HBP1: variants seen among roughly 807,000 people sequenced by gnomAD.
HBP1 encodes HMG-box transcription factor 1, also known as HMG box-containing protein 1.
A neutral mutation model predicts 62.6 loss-of-function variants in HBP1; 20 were observed. The observed-to-expected ratio is 0.32, with a 90% CI of 0.22 to 0.46. The LOEUF (loss-of-function observed/expected upper bound fraction) is 0.46. Among genes scored for constraint, HBP1 ranks in the 20% least tolerant of loss-of-function variants. The pLI, the probability that HBP1 is intolerant of heterozygous loss-of-function variation, is 1.00. For synonymous variants in HBP1, 232 were observed against 206.2 expected (o/e 1.12, Z -1.07); for missense variants, 480 against 611.8 (o/e 0.78, Z 2.27).
chr7:107,182,333 G>A, intron 2 of HBP1, 40 bp from the exon 3 acceptor site: 1 of 1,096,458 alleles, frequency 9.1e-7, no homozygotes. Flanking sequence ...CCTTGTATTA[G>A]TAATTTCCTT....
chr7:107,185,752 T>G, intron 3 of HBP1, 49 bp from the exon 4 acceptor site: 1 of 1,469,084 alleles, frequency 6.8e-7, no homozygotes, highest in Middle Eastern at 1.8e-4. Context: ...ATAGGAAAGA[T>G]CTACTTTAAG....
chr7:107,182,713 T>G (rs1333302629), intron 3 of HBP1, 112 bp downstream of exon 3: 3 of 600,750 alleles, frequency 5.0e-6, no homozygotes, highest in Non-Finnish European at 8.7e-6. Context: ...AGAATTTAAG[T>G]CATTAGAATT....
intron 8 of HBP1, among the ~76,000 whole-genome samples, chr7:107,195,434 G>A (rs1373750062): frequency 6.6e-6 from 1 of 152,124 alleles, no homozygotes; most frequent in Non-Finnish European, 1.5e-5. Context: ...TAATTTTCTA[G>A]GTCTGGGTGC....
chr7:107,179,593 G>A (rs140105300), intron 1 of HBP1: 5 of 176,798 alleles, frequency 2.8e-5, no homozygotes, highest in South Asian at 1.4e-4. Context: ...CCAACATGAC[G>A]AAACCCCATC....
Position 107,201,699 on chromosome 7 carries a change from A to C in HBP1, c.*268A>C, listed in dbSNP as rs1267866054. 5.5e-6 allele frequency: 2 copies of C among 365,592 alleles called. No homozygotes were observed. The highest frequency in any genetic ancestry group is 4.2e-5 in the African/African-American group (2 of 47,934). The allele number at this position is 365,592 out of a possible 1,614,324, so 22.6% of individuals were successfully genotyped here. ...TGTCTATCAGGTAATAATAGGCTTGAAAATTGATATCCTGTGGTGCTAAAG... is the reference window on the plus strand; with the variant it reads ...TGTCTATCAGGTAATAATAGGCTTGCAAATTGATATCCTGTGGTGCTAAAG... On this transcript the variant is annotated 3_prime_UTR_variant, in exon 11 of 11. Coordinates refer to ENST00000222574, the MANE Select transcript of HBP1 (RefSeq NM_012257.4).
chr7:107,194,298 T>C, intron 8 of HBP1, among the ~76,000 whole-genome samples: 1 of 152,194 alleles, frequency 6.6e-6, no homozygotes, highest in East Asian at 1.9e-4. Flanking sequence ...CAGTATCTTT[T>C]AGTATTTTAA....
Position 107,202,171 on chromosome 7 carries a change from T to C in HBP1, c.*740T>C, listed in dbSNP as rs958427593. Reference sequence around the variant, plus strand: ...TGCTATTAACAAACAGTCAACACCATTGTATTTTTTAACTTCGTGTTCTGT... The same window carrying C: ...TGCTATTAACAAACAGTCAACACCACTGTATTTTTTAACTTCGTGTTCTGT... On this transcript the variant is annotated 3_prime_UTR_variant, in exon 11 of 11. Coordinates refer to ENST00000222574, the MANE Select transcript of HBP1 (RefSeq NM_012257.4). 1.3e-5 allele frequency: 2 copies of C among 152,676 alleles called. No individual in the cohort carries two copies. The highest frequency in any genetic ancestry group is 4.8e-5 in the African/African-American group (2 of 41,468). The allele number at this position is 152,676 out of a possible 1,614,324, so 9.5% of individuals were successfully genotyped here.
At chr7:107,176,178 A>G (rs543376394) in intron 1 of HBP1, among the ~76,000 whole-genome samples, 2 of 151,480 alleles carry the variant, frequency 1.3e-5, no homozygotes, top group Non-Finnish European at 2.9e-5. Context: ...GGCGCGTGCC[A>G]CCATACCTGG....
rs775451883 is a variant in HBP1, at chr7:107,169,039, A to G, written c.-162A>G. The stretch of plus-strand genomic sequence containing the variant: ...TGGCGACGGGTTTGGTAAGTAGGAA[A>G]GTTTCGGTTGAGGAGTAAGAGCTGC... On this transcript the variant is annotated 5_prime_UTR_variant, in exon 1 of 11. Transcript: ENST00000222574. 2.3e-6 allele frequency: 3 copies of G among 1,288,696 alleles called. No individual in the cohort carries two copies. Among genetic ancestry groups the G allele is most frequent in the South Asian group, 2.5e-5 (2 of 80,912 alleles). The allele number at this position is 1,288,696 out of a possible 1,614,324, so 79.8% of individuals were successfully genotyped here. A position where few individuals can be genotyped will look rare whatever the true frequency, so the allele number is the denominator to read the frequency against.
intron 4 of HBP1, among the ~76,000 whole-genome samples, 200 bp from the exon 5 acceptor site, chr7:107,186,161 T>C (rs1268778838): frequency 6.8e-6 from 1 of 147,406 alleles, no homozygotes; most frequent in Admixed American, 6.7e-5. Flanking sequence ...TTTTTCTTTT[T>C]TTTTCTTTTT....
In HBP1 at chr7:107,194,289, A is replaced by C. The variant is rs138107743; in HGVS notation, c.1068-1545A>C. ...TCAAATTTTAGTAATTAGCTTACCCAGTATCTTTTAGTATTTTAAATTGTA... is the reference window on the plus strand; with the variant it reads ...TCAAATTTTAGTAATTAGCTTACCCCGTATCTTTTAGTATTTTAAATTGTA... On this transcript the variant is annotated intron_variant, in intron 8 of 10. Transcript: ENST00000222574. Among the ~76,000 whole-genome samples the C allele has an allele frequency of 4.4e-3, 677 of 152,308 alleles. 3 individuals carry two copies. Among genetic ancestry groups the C allele is most frequent in the African/African-American group, 0.016 (647 of 41,568 alleles).
rs186896873 is a variant in HBP1, at chr7:107,176,467, A to G, written c.-15-3412A>G. ...TTGCAACTAATACAATGCCCTGTACATAGTATTTATTAAATAAATGATTTT... is the reference window on the plus strand; with the variant it reads ...TTGCAACTAATACAATGCCCTGTACGTAGTATTTATTAAATAAATGATTTT... On this transcript the variant is annotated intron_variant, in intron 1 of 10. Coordinates refer to ENST00000222574, the MANE Select transcript of HBP1 (RefSeq NM_012257.4). Among the ~76,000 whole-genome samples the G allele has an allele frequency of 3.3e-3, 508 of 152,294 alleles. 1 individual carries two copies. The highest frequency in any genetic ancestry group is 5.5e-3 in the Non-Finnish European group (377 of 68,034).
In HBP1 at chr7:107,169,004, G is replaced by A. The variant is rs962051692; in HGVS notation, c.-197G>A. 1 of 1,289,116 alleles carries A rather than the reference G, an allele frequency of 7.8e-7. No individual in the cohort carries two copies. Among genetic ancestry groups the A allele is most frequent in the Non-Finnish European group, 1.0e-6 (1 of 988,550 alleles). 79.9% of individuals were successfully genotyped at this position (1,289,116 alleles called of 1,614,324 possible). On this transcript the variant is annotated 5_prime_UTR_variant, in exon 1 of 11. Coordinates refer to ENST00000222574, the MANE Select transcript of HBP1 (RefSeq NM_012257.4). Reference sequence around the variant, plus strand: ...GGGAGGGGGAAGACGAAGCTTGAAAGACTTGGTAATGGCGACGGGTTTGGT... The same window carrying A: ...GGGAGGGGGAAGACGAAGCTTGAAAAACTTGGTAATGGCGACGGGTTTGGT...
At position 107,179,869 on chromosome 7, in the gene HBP1, T is replaced by G. The variant is rs1188572638; in HGVS notation, c.-15-10T>G. The stretch of plus-strand genomic sequence containing the variant: ...TTGACATCATTTCTTAATGTCGTTT[T>G]TATTTTAAGTCAGAGCACCATAACA... On this transcript the variant is annotated splice_polypyrimidine_tract_variant and intron_variant, in intron 1 of 10. Transcript: ENST00000222574. 6.5e-7 allele frequency: 1 copy of G among 1,550,172 alleles called. No individual in the cohort carries two copies. Among genetic ancestry groups the G allele is most frequent in the Non-Finnish European group, 8.8e-7 (1 of 1,132,126 alleles).
Position 107,185,839 on chromosome 7 carries a change from T to C in HBP1, c.437T>C (p.Leu146Ser), listed in dbSNP as rs200514366. The change falls in exon 4 of 11, where the codon TTA becomes TCA. Residue 146 changes from leucine (L) to serine (S), a missense_variant. Leu to Ser is a moderately radical substitution (Grantham distance 145). This residue lies in a region of HBP1 where 304 missense variants were observed against 330.9 expected (regional missense o/e 0.92). Transcript: ENST00000222574. ...PVHIIATSKS[L>S]HSYARPPPVS... ...CACATCATAGCCACTAGCAAAAGTTTACATTCCTATGCACGCCCTCCACCA... is the reference window on the plus strand; with the variant it reads ...CACATCATAGCCACTAGCAAAAGTTCACATTCCTATGCACGCCCTCCACCA... The C allele has an allele frequency of 6.2e-6, 10 of 1,613,632 alleles. No homozygotes were observed. The East Asian group carries it at 1.3e-4, about 22-fold the overall frequency.
At position 107,186,627 on chromosome 7, in the gene HBP1, T is replaced by C. The variant is rs1797387176; in HGVS notation, c.711T>C (p.Phe237=). Reference sequence around the variant, plus strand: ...AGGAATGGCAAGATGTTGAAGATTTTGCTAGAGCTGAAGGCTGTGATAATG... The same window carrying C: ...AGGAATGGCAAGATGTTGAAGATTTCGCTAGAGCTGAAGGCTGTGATAATG... ...SNKEWQDVED[F]ARAEGCDNEE... Residue 237 remains phenylalanine, a synonymous_variant, in exon 6 of 11, where the codon TTT becomes TTC. Coordinates refer to ENST00000222574, the MANE Select transcript of HBP1 (RefSeq NM_012257.4). 1 of 1,613,690 alleles carries C rather than the reference T, an allele frequency of 6.2e-7. No homozygotes were observed. Among genetic ancestry groups the C allele is most frequent in the Non-Finnish European group, 8.5e-7 (1 of 1,179,594 alleles).
At chr7:107,183,146 G>A (rs1487344450) in intron 3 of HBP1, among the ~76,000 whole-genome samples, 1 of 152,182 alleles carries the variant, frequency 6.6e-6, no homozygotes, top group Non-Finnish European at 1.5e-5. Flanking sequence ...GTTGTGCTAT[G>A]AAATTACGGA....
chr7:107,178,300 T>G (rs1053547089), intron 1 of HBP1, among the ~76,000 whole-genome samples: 1 of 152,202 alleles, frequency 6.6e-6, no homozygotes, highest in East Asian at 1.9e-4. Flanking sequence ...CATGAGCTAC[T>G]GCATCAGGCT....
At chr7:107,190,372 T>A (rs1202307473) in intron 8 of HBP1, 55 bp downstream of exon 8, 2 of 1,209,120 alleles carry the variant, frequency 1.7e-6, no homozygotes, top group Non-Finnish European at 2.4e-6. Flanking sequence ...GCCCTTCATT[T>A]CCCTAATGAT....
Sources: allele counts gnomAD v4.1 joint callset (sites outside exome capture counted in the v4.1 genomes callset), GRCh38; gene constraint gnomAD v4.1.1; regional missense constraint gnomAD v4.1.1; transcripts MANE v1.5; gene names NCBI Gene and HGNC (gene_info 2026-07-23, HGNC 2026-07-21).